EPHA7: variants seen among roughly 807,000 people sequenced by gnomAD.
EPHA7 encodes the protein ephrin type-A receptor 7.
In EPHA7, 25 loss-of-function variants were observed where a neutral mutation model predicts 112.6. The ratio of observed to expected loss-of-function variants is 0.22; its 90% CI spans 0.16 to 0.31. The LOEUF (loss-of-function observed/expected upper bound fraction) is 0.31, where lower values mean the gene tolerates loss of function less well. Among genes scored for constraint, EPHA7 ranks in the 10% least tolerant of loss-of-function variants. EPHA7 has a pLI of 1.00. For missense variants in EPHA7, 962 were observed against 1,212.6 expected, an observed-to-expected ratio of 0.79 and a Z score of 3.07; for synonymous variants, 437 against 406.5, an observed-to-expected ratio of 1.07 and a Z score of -0.90.
chr6:93,350,702 CTG>C (rs1235575305), intron 5 of EPHA7, among the ~76,000 whole-genome samples: 1 of 151,886 alleles, frequency 6.6e-6, no homozygotes, highest in Non-Finnish European at 1.5e-5. Context: ...TTTTCAGAAA[CTG>C]TATGTTTTGC....
intron 3 of EPHA7, among the ~76,000 whole-genome samples, chr6:93,359,930 G>T (rs1001570760): frequency 4.0e-5 from 6 of 150,922 alleles, no homozygotes; most frequent in Non-Finnish European, 8.9e-5. Flanking sequence ...GAGATAGACA[G>T]ATAGATTTAT....
At chr6:93,390,890 T>C (rs1224547285) in intron 3 of EPHA7, among the ~76,000 whole-genome samples, 2 of 151,958 alleles carry the variant, frequency 1.3e-5, no homozygotes, top group East Asian at 3.9e-4. Flanking sequence ...GAAATGTTGA[T>C]TGAACTAAAT....
At chr6:93,375,909 G>A (rs1485212168) in intron 3 of EPHA7, among the ~76,000 whole-genome samples, 1 of 152,014 alleles carries the variant, frequency 6.6e-6, no homozygotes, top group African/African-American at 2.4e-5. Flanking sequence ...ATCACAAAAG[G>A]AAAATATTTT....
At chr6:93,331,190 T>A (rs1300667060) in intron 5 of EPHA7, among the ~76,000 whole-genome samples, 4 of 151,452 alleles carry the variant, frequency 2.6e-5, no homozygotes, top group Non-Finnish European at 5.9e-5. Context: ...AGTTACAATA[T>A]TAAAAATGAA....
rs367774379 is a variant in EPHA7 at position 93,245,714 on chromosome 6, T to C, written c.2727-261A>G. Reference sequence around the variant, plus strand: ...ATGTTTTTAAAAGTACAGCCAACAATATTTGGAATCAGTAAATAATTGTTC... The same window carrying C: ...ATGTTTTTAAAAGTACAGCCAACAACATTTGGAATCAGTAAATAATTGTTC... On this transcript the variant is annotated intron_variant, in intron 15 of 16. Coordinates refer to ENST00000369303, the MANE Select transcript of EPHA7 (RefSeq NM_004440.4). 4.1e-4 allele frequency among the ~76,000 whole-genome samples: 63 copies of C among 152,348 alleles called. 2 individuals are homozygous for C. Among genetic ancestry groups the C allele is most frequent in the African/African-American group, 1.5e-3 (61 of 41,594 alleles).
chr6:93,280,922 G>A lies in EPHA7; in HGVS notation c.1325-8500C>T, dbSNP rs373327456. Among the ~76,000 whole-genome samples, 3 of 152,078 alleles carry A rather than the reference G, an allele frequency of 2.0e-5. No homozygotes were observed. The South Asian group carries it at 6.2e-4, about 32-fold the overall frequency. On this transcript the variant is annotated intron_variant, in intron 5 of 16. Transcript: ENST00000369303. ...ATTCTAAGATCAGATTCAGGCCTTCGTATTTTTCAAAAACTCCATAGATAA... is the reference window on the plus strand; with the variant it reads ...ATTCTAAGATCAGATTCAGGCCTTCATATTTTTCAAAAACTCCATAGATAA...
At chr6:93,330,659 T>C (rs117514758) in intron 5 of EPHA7, among the ~76,000 whole-genome samples, 1,817 of 151,422 alleles carry the variant, frequency 0.012, 14 homozygotes, top group Non-Finnish European at 0.016. Context: ...TGTAGATATA[T>C]ACCACATTTA....
intron 6 of EPHA7, among the ~76,000 whole-genome samples, chr6:93,269,919 G>C (rs1237315439): frequency 6.6e-6 from 1 of 151,698 alleles, no homozygotes; most frequent in Non-Finnish European, 1.5e-5. Flanking sequence ...GAAGTAATAT[G>C]TGACAAGAAC....
At chr6:93,248,077 T>C (rs974866819) in intron 14 of EPHA7, among the ~76,000 whole-genome samples, 3 of 151,372 alleles carry the variant, frequency 2.0e-5, no homozygotes, top group Non-Finnish European at 4.4e-5. Flanking sequence ...CACTGACTGA[T>C]ATAATGGTAG....
chr6:93,271,777 A>C (rs1417924638), intron 6 of EPHA7, among the ~76,000 whole-genome samples: 1 of 151,898 alleles, frequency 6.6e-6, no homozygotes, highest in Non-Finnish European at 1.5e-5. Flanking sequence ...ATATAAAATA[A>C]ATTTCAGGAG....
chr6:93,345,965 C>T (rs918264750), intron 5 of EPHA7, among the ~76,000 whole-genome samples: 2 of 151,556 alleles, frequency 1.3e-5, no homozygotes, highest in African/African-American at 4.8e-5. Flanking sequence ...TCCCTCTGAA[C>T]TCATGTAGTG....
intron 3 of EPHA7, among the ~76,000 whole-genome samples, chr6:93,401,801 A>G (rs908219708): frequency 6.6e-6 from 1 of 152,016 alleles, no homozygotes; most frequent in Non-Finnish European, 1.5e-5. Flanking sequence ...TTCATGTATC[A>G]TATTTGTATG....
At chr6:93,305,144 T>A (rs1171991654) in intron 5 of EPHA7, among the ~76,000 whole-genome samples, 1 of 151,992 alleles carries the variant, frequency 6.6e-6, no homozygotes, top group Non-Finnish European at 1.5e-5. Flanking sequence ...TCCCTATTAC[T>A]TCCTGGTACA....
chr6:93,251,774 T>C (rs531168862), intron 14 of EPHA7, among the ~76,000 whole-genome samples: 2 of 152,168 alleles, frequency 1.3e-5, no homozygotes, highest in South Asian at 4.1e-4. Flanking sequence ...TATATTTGAC[T>C]ACATTTACAT....
intron 14 of EPHA7, among the ~76,000 whole-genome samples, chr6:93,250,415 T>C (rs1159307870): frequency 6.6e-6 from 1 of 152,262 alleles, no homozygotes; most frequent in African/African-American, 2.4e-5. Context: ...AATTATCTTA[T>C]TTGATTCTTA....
At chr6:93,405,811 G>GTATA (rs1298868729) in intron 3 of EPHA7, among the ~76,000 whole-genome samples, 2 of 58,958 alleles carry the variant, frequency 3.4e-5, no homozygotes, top group East Asian at 6.5e-4. Context: ...GTGTGTGTGT[G>GTATA]TGTATATATA....
chr6:93,411,208 A>G, intron 2 of EPHA7, 38 bp from the exon 3 acceptor site: 1 of 1,549,418 alleles, frequency 6.5e-7, no homozygotes, highest in Non-Finnish European at 8.8e-7. Flanking sequence ...TCATTCAGCA[A>G]AAAATAACAT....
At chr6:93,311,424 C>A (rs1773536227) in intron 5 of EPHA7, among the ~76,000 whole-genome samples, 1 of 152,124 alleles carries the variant, frequency 6.6e-6, no homozygotes, top group Admixed American at 6.6e-5. Context: ...GACAATATTT[C>A]TTCTCAAGAA....
At chr6:93,245,968 T>A (rs1371466525) in intron 15 of EPHA7, among the ~76,000 whole-genome samples, 37 of 152,204 alleles carry the variant, frequency 2.4e-4, no homozygotes, top group Non-Finnish European at 1.5e-5. Context: ...TTAACATGCA[T>A]TACAATCAAG....
Sources: gnomAD v4.1 joint callset for allele counts (sites outside exome capture counted in the v4.1 genomes callset) on GRCh38, gnomAD v4.1.1 for gene constraint, MANE v1.5 for transcripts, NCBI Gene and HGNC (gene_info 2026-07-23, HGNC 2026-07-21) for gene names.